SNRPN: variants seen among roughly 807,000 people sequenced by gnomAD.
SNRPN encodes small nuclear ribonucleoprotein polypeptide N, also known as small nuclear ribonucleoprotein-associated protein N.
A neutral mutation model predicts 25.2 loss-of-function variants in SNRPN; 7 were observed. That is an observed-to-expected ratio of 0.28 (90% confidence interval 0.16 to 0.52). SNRPN has a LOEUF of 0.52. Among genes scored for constraint, SNRPN ranks in the 20% least tolerant of loss-of-function variants. SNRPN has a pLI of 0.96. For missense variants in SNRPN, 196 were observed against 322.5 expected (o/e 0.61, Z 3.00); for synonymous variants, 124 against 110.6 (o/e 1.12, Z -0.76).
Position 24,937,472 on chromosome 15 carries a change from A to C in SNRPN, c.-391+17348A>C, listed in dbSNP as rs2061306336. Reference sequence around the variant, plus strand: ...CTGCTTGAGCCTAAGAGTTCAAGCCATGATCTCACCACTGTACTCTAGCCT... The same window carrying C: ...CTGCTTGAGCCTAAGAGTTCAAGCCCTGATCTCACCACTGTACTCTAGCCT... On this transcript the variant is annotated intron_variant, in intron 3 of 11. Transcript: ENST00000400097. 2.0e-5 allele frequency among the ~76,000 whole-genome samples: 3 copies of C among 152,106 alleles called. No individual in the cohort carries two copies. In the South Asian group the frequency reaches 6.2e-4, roughly 32 times the overall value.
chr15:24,906,054 G>T (rs1451687578), intron 2 of SNRPN, among the ~76,000 whole-genome samples: 2 of 152,202 alleles, frequency 1.3e-5, no homozygotes, highest in African/African-American at 2.4e-5. Context: ...GTTACTAAAA[G>T]TATTATGTGA....
intron 2 of SNRPN, chr15:24,848,231 T>TGCGGCGGC (rs2052399459): frequency 1.0e-5 from 1 of 95,432 alleles, no homozygotes; most frequent in Non-Finnish European, 2.0e-5. Flanking sequence ...GGGGCGGCGG[T>TGCGGCGGC]GGGGGCGGGG....
At chr15:24,862,790 G>C (rs1038632930) in intron 1 of SNRPN, among the ~76,000 whole-genome samples, 6 of 150,896 alleles carry the variant, frequency 4.0e-5, no homozygotes, top group African/African-American at 1.5e-4. Flanking sequence ...AGATGCTGAA[G>C]AGTGAGGGGC....
At chr15:24,854,435 T>C (rs1034541769), upstream of SNRPN, among the ~76,000 whole-genome samples, 13 of 152,202 alleles carry the variant, frequency 8.5e-5, no homozygotes, top group Admixed American at 3.9e-4. Context: ...ACGAATTAGA[T>C]AGAGAACTGT....
chr15:24,932,308 C>T (rs983429964), intron 3 of SNRPN, among the ~76,000 whole-genome samples: 2 of 152,134 alleles, frequency 1.3e-5, no homozygotes, highest in Non-Finnish European at 2.9e-5. Flanking sequence ...GATCTTGGCT[C>T]ACTGCACCCT....
upstream of SNRPN, among the ~76,000 whole-genome samples, chr15:24,951,406 G>A (rs1418146458): frequency 1.3e-5 from 2 of 151,782 alleles, no homozygotes; most frequent in African/African-American, 2.4e-5. Context: ...ATGACTTAAC[G>A]ATTGTGTCTT....
intron 2 of SNRPN, among the ~76,000 whole-genome samples, chr15:24,962,749 A>G (rs2075030603): frequency 6.6e-6 from 1 of 152,228 alleles, no homozygotes; most frequent in African/African-American, 2.4e-5. Context: ...GGAAATTTTA[A>G]TTAAAAATAG....
At chr15:24,969,619 T>A (rs1384642598) in intron 3 of SNRPN, among the ~76,000 whole-genome samples, 1 of 152,222 alleles carries the variant, frequency 6.6e-6, no homozygotes, top group African/African-American at 2.4e-5. Context: ...TTTTTAGGAA[T>A]TTTTTAGCTT....
intron 3 of SNRPN, among the ~76,000 whole-genome samples, chr15:24,947,031 T>C (rs1377303147): frequency 6.6e-6 from 1 of 152,200 alleles, no homozygotes; most frequent in African/African-American, 2.4e-5. Flanking sequence ...AGAAGGATGT[T>C]AGTCCCTCTA....
chr15:24,862,712 CAG>C (rs2054099295), intron 1 of SNRPN, among the ~76,000 whole-genome samples: 1 of 150,782 alleles, frequency 6.6e-6, no homozygotes, highest in Non-Finnish European at 1.5e-5. Context: ...CTTAGGAACT[CAG>C]GGGACAGGCA....
At chr15:24,881,586 A>G (rs1595669400) in intron 1 of SNRPN, among the ~76,000 whole-genome samples, 1 of 66,660 alleles carries the variant, frequency 1.5e-5, no homozygotes, top group Non-Finnish European at 3.2e-5. Context: ...GGAGGGAGGG[A>G]GAGAGAGAGA....
At chr15:24,825,974 T>G (rs2140972516) in intron 1 of SNRPN, among the ~76,000 whole-genome samples, 1 of 152,018 alleles carries the variant, frequency 6.6e-6, no homozygotes, top group East Asian at 1.9e-4. Context: ...GGGGGAGGGG[T>G]TCAACCTACT....
chr15:24,927,567 A>G (rs1005151235), intron 3 of SNRPN, among the ~76,000 whole-genome samples: 10 of 138,460 alleles, frequency 7.2e-5, no homozygotes, highest in Admixed American at 7.9e-5. Flanking sequence ...TCCCTAATGC[A>G]TTTCCTGAGA....
rs143877260 is a variant in SNRPN, at chr15:24,934,558, C to A, written c.-391+14434C>A. The stretch of plus-strand genomic sequence containing the variant: ...AAAGGCTGCTGATCTCTGCCTGATT[C>A]ATTGATTGATTATTATTTGAAATGG... On this transcript the variant is annotated intron_variant, in intron 3 of 11. Transcript: ENST00000400097. Among the ~76,000 whole-genome samples, 21 of 152,192 alleles carry A rather than the reference C, an allele frequency of 1.4e-4. No individual in the cohort carries two copies. In the East Asian group the frequency reaches 3.9e-3, roughly 28 times the overall value.
intron 1 of SNRPN, chr15:24,886,382 G>C (rs1279781021): frequency 1.3e-5 from 2 of 152,182 alleles, no homozygotes; most frequent in African/African-American, 4.8e-5. Context: ...GAGTTACTTA[G>C]AGTTGAGTCT....
intron 2 of SNRPN, among the ~76,000 whole-genome samples, chr15:24,837,490 TC>T (rs1371627004): frequency 3.3e-5 from 5 of 151,178 alleles, no homozygotes; most frequent in African/African-American, 1.2e-4. Context: ...TGCCTCAGCC[TC>T]CCGAGTAGCT....
At chr15:24,900,760 G>A (rs973884189) in intron 2 of SNRPN, among the ~76,000 whole-genome samples, 17 of 152,130 alleles carry the variant, frequency 1.1e-4, no homozygotes, top group Non-Finnish European at 2.2e-4. Flanking sequence ...AAATATAACA[G>A]TAGATTGGGT....
At chr15:24,828,619 G>C (rs2050267901) in intron 1 of SNRPN, among the ~76,000 whole-genome samples, 1 of 152,090 alleles carries the variant, frequency 6.6e-6, no homozygotes, top group African/African-American at 2.4e-5. Context: ...TAAGTAATAA[G>C]CATTTGATTG....
chr15:24,829,045 T>C (rs928774707), intron 1 of SNRPN, among the ~76,000 whole-genome samples: 1 of 152,116 alleles, frequency 6.6e-6, no homozygotes, highest in Non-Finnish European at 1.5e-5. Context: ...GTTTTTAGTT[T>C]CTTGGGAAGC....
Sources: allele counts gnomAD v4.1 joint callset (sites outside exome capture counted in the v4.1 genomes callset), GRCh38; gene constraint gnomAD v4.1.1; transcripts MANE v1.5; gene names NCBI Gene and HGNC (gene_info 2026-07-23, HGNC 2026-07-21).